Variants in EBF1 observed in about 807,000 individuals in gnomAD.
EBF1 encodes transcription factor COE1.
Under a neutral mutation model 68.4 loss-of-function variants are expected in EBF1, and 10 were observed. The ratio of observed to expected loss-of-function variants is 0.15; its 90% CI spans 0.09 to 0.25. EBF1 has a LOEUF of 0.25. EBF1 is among the 10% of genes least tolerant of loss of function. EBF1 has a pLI of 1.00. For missense variants in EBF1, 509 were observed against 794.4 expected, an observed-to-expected ratio of 0.64 and a Z score of 4.32; for synonymous variants, 298 against 299.8, an observed-to-expected ratio of 0.99 and a Z score of 0.06.
In EBF1 at chr5:159,098,491, T is replaced by C. The variant is rs1429568109; in HGVS notation, c.134+854A>G. ...GGGAAGGAGAACGAGATAGCAGAAATAAGAGAAGACTCAGGGGAGAAATGG... is the reference window on the plus strand; with the variant it reads ...GGGAAGGAGAACGAGATAGCAGAAACAAGAGAAGACTCAGGGGAGAAATGG... On this transcript the variant is annotated intron_variant, in intron 1 of 15. Coordinates refer to ENST00000313708, the MANE Select transcript of EBF1 (RefSeq NM_024007.5). 8.0e-5 allele frequency among the ~76,000 whole-genome samples: 12 copies of C among 149,496 alleles called. No individual in the cohort carries two copies. The East Asian group carries it at 2.2e-3, about 27-fold the overall frequency.
At chr5:158,988,767 C>T (rs1024745199) in intron 6 of EBF1, among the ~76,000 whole-genome samples, 4 of 152,132 alleles carry the variant, frequency 2.6e-5, no homozygotes, top group Admixed American at 2.0e-4. Context: ...CTAGCTGATG[C>T]GAAGGAGAGA....
At chr5:158,793,100 C>T (rs1354686139) in intron 9 of EBF1, among the ~76,000 whole-genome samples, 1 of 152,204 alleles carries the variant, frequency 6.6e-6, no homozygotes, top group Non-Finnish European at 1.5e-5. Flanking sequence ...AACTGAACCA[C>T]TTACTTATTT....
chr5:159,049,839 G>T (rs1002157903), intron 6 of EBF1, among the ~76,000 whole-genome samples: 1 of 152,192 alleles, frequency 6.6e-6, no homozygotes, highest in Non-Finnish European at 1.5e-5. Flanking sequence ...TGGGAGGGGT[G>T]CTTATCTGGT....
At chr5:159,055,860 A>G (rs758226294) in intron 6 of EBF1, among the ~76,000 whole-genome samples, 1 of 152,212 alleles carries the variant, frequency 6.6e-6, no homozygotes, top group Non-Finnish European at 1.5e-5. Flanking sequence ...GCAGTCCCCA[A>G]TCTGGGATTG....
intron 6 of EBF1, among the ~76,000 whole-genome samples, chr5:159,006,647 T>TAAAAAAAAAAAAAAAAAAAAAAAAA (rs36045942): frequency 1.8e-5 from 1 of 56,226 alleles, no homozygotes; most frequent in Non-Finnish European, 3.0e-5. Flanking sequence ...ATAGCCATGT[T>TAAAAAAAAAAAAAAAAAAAAAAAAA]AAAAAAAAAA....
chr5:159,011,037 G>T (rs1195659513), intron 6 of EBF1, among the ~76,000 whole-genome samples: 1 of 152,186 alleles, frequency 6.6e-6, no homozygotes, highest in Non-Finnish European at 1.5e-5. Flanking sequence ...CGGGGAGGGT[G>T]AGCCCTGCTC....
intron 6 of EBF1, among the ~76,000 whole-genome samples, chr5:158,870,090 T>A: frequency 6.6e-6 from 1 of 152,166 alleles, no homozygotes; most frequent in Non-Finnish European, 1.5e-5. Flanking sequence ...CAAAGCACAT[T>A]GGCAAGGACT....
At chr5:158,968,261 G>A (rs12374526) in intron 6 of EBF1, among the ~76,000 whole-genome samples, 2,716 of 152,266 alleles carry the variant, frequency 0.018, 43 homozygotes, top group Non-Finnish European at 0.028. Flanking sequence ...GCTCTCAAAA[G>A]GTAGTTAACA....
chr5:158,734,582 C>T (rs1764784995), intron 10 of EBF1, among the ~76,000 whole-genome samples: 1 of 152,072 alleles, frequency 6.6e-6, no homozygotes, highest in Admixed American at 6.6e-5. Flanking sequence ...CATACATCTA[C>T]TCTGCAAGAA....
intron 6 of EBF1, among the ~76,000 whole-genome samples, chr5:159,039,976 T>A (rs1770844397): frequency 6.6e-6 from 1 of 152,194 alleles, no homozygotes; most frequent in Admixed American, 6.5e-5. Context: ...TGCGTAAAAT[T>A]GTTTTTTGCT....
intron 6 of EBF1, among the ~76,000 whole-genome samples, chr5:158,892,172 T>C (rs1204570957): frequency 6.6e-6 from 1 of 152,176 alleles, no homozygotes; most frequent in Non-Finnish European, 1.5e-5. Context: ...TCCACCGTTA[T>C]ATACAGGTTA....
chr5:159,025,395 G>A (rs1284673195), intron 6 of EBF1, among the ~76,000 whole-genome samples: 1 of 152,212 alleles, frequency 6.6e-6, no homozygotes, highest in African/African-American at 2.4e-5. Context: ...GAAAGCATCT[G>A]GGATGTCCCA....
chr5:158,760,413 G>A (rs761699192), intron 10 of EBF1, among the ~76,000 whole-genome samples: 11 of 152,018 alleles, frequency 7.2e-5, no homozygotes, highest in South Asian at 2.1e-4. Flanking sequence ...AGATCTGTTC[G>A]GCCCCTAAAT....
At chr5:159,063,301 T>G (rs1776181107) in intron 6 of EBF1, among the ~76,000 whole-genome samples, 1 of 152,216 alleles carries the variant, frequency 6.6e-6, no homozygotes, top group Non-Finnish European at 1.5e-5. Flanking sequence ...TCCTTCAGTC[T>G]TAACCAACAT....
intron 15 of EBF1, among the ~76,000 whole-genome samples, chr5:158,699,931 G>A (rs2127456834): frequency 6.6e-6 from 1 of 152,320 alleles, no homozygotes; most frequent in East Asian, 1.9e-4. Context: ...CGCAGATAGT[G>A]GTATTTAGAG....
At chr5:158,936,369 A>G (rs1812016987) in intron 6 of EBF1, among the ~76,000 whole-genome samples, 2 of 152,188 alleles carry the variant, frequency 1.3e-5, no homozygotes, top group Non-Finnish European at 2.9e-5. Context: ...CTGTGACTTC[A>G]GGTTCAGGTT....
intron 6 of EBF1, among the ~76,000 whole-genome samples, chr5:158,959,998 G>A (rs1817855906): frequency 6.6e-6 from 1 of 152,068 alleles, no homozygotes; most frequent in African/African-American, 2.4e-5. Flanking sequence ...CACCTACATT[G>A]TCCCTGGAGC....
At chr5:158,887,157 G>A (rs2128101752) in intron 6 of EBF1, among the ~76,000 whole-genome samples, 1 of 152,278 alleles carries the variant, frequency 6.6e-6, no homozygotes, top group Non-Finnish European at 1.5e-5. Context: ...CAATGACTCA[G>A]CAAATGAATG....
rs372668504 is a variant in EBF1, at chr5:159,097,173, G to A, written c.135-43C>T. On this transcript the variant is annotated intron_variant, in intron 1 of 15. Coordinates refer to ENST00000313708, the MANE Select transcript of EBF1 (RefSeq NM_024007.5). ...GAGTTAGATGGCTAAACCGGACGCC[G>A]ACCCGCGCCCCTTGTCACCCTGTAC... The A allele has an allele frequency of 3.9e-5, 62 of 1,589,064 alleles. No homozygotes were observed. In the African/African-American group the frequency reaches 7.9e-4, roughly 20 times the overall value.
Sources: gnomAD v4.1 joint callset for allele counts (sites outside exome capture counted in the v4.1 genomes callset) on GRCh38, gnomAD v4.1.1 for gene constraint, MANE v1.5 for transcripts, NCBI Gene and HGNC (gene_info 2026-07-23, HGNC 2026-07-21) for gene names.